TMTC3: variants seen among roughly 807,000 people sequenced by gnomAD.
The protein encoded by TMTC3 is transmembrane O-mannosyltransferase targeting cadherins 3, also known as protein O-mannosyl-transferase TMTC3.
TMTC3 carries 52 observed loss-of-function variants against 92.2 expected under a neutral mutation model. The ratio of observed to expected loss-of-function variants is 0.56; its 90% CI spans 0.45 to 0.71. The LOEUF (loss-of-function observed/expected upper bound fraction) is 0.71, where lower values mean the gene tolerates loss of function less well. Ranked by LOEUF, TMTC3 falls within the 30% of genes least tolerant of loss-of-function variation. The pLI, the probability that TMTC3 is intolerant of heterozygous loss-of-function variation, is 0.00. For missense variants in TMTC3, 896 were observed against 1,057.1 expected (o/e 0.85, Z 2.11); for synonymous variants, 339 against 363.3 (o/e 0.93, Z 0.76).
chr12:88,194,527 T>G (rs931368497), intron 13 of TMTC3, among the ~76,000 whole-genome samples: 4 of 152,174 alleles, frequency 2.6e-5, no homozygotes, highest in Non-Finnish European at 5.9e-5. Flanking sequence ...ATCCCATGCT[T>G]CTTTTTCTGA....
At position 88,197,705 on chromosome 12, in the gene TMTC3, A is replaced by C. The variant is rs2041531270; in HGVS notation, c.*2056A>C. 6.6e-6 allele frequency: 1 copy of C among 152,052 alleles called. No individual in the cohort carries two copies. Among genetic ancestry groups the C allele is most frequent in the African/African-American group, 2.4e-5 (1 of 41,438 alleles). 9.4% of individuals were successfully genotyped at this position (152,052 alleles called of 1,614,324 possible). ...ATTAGAACTGTGCCTATTACATAAA[A>C]AGTGCTCATGTATTTGAATTTTAAA... On this transcript the variant is annotated 3_prime_UTR_variant, in exon 14 of 14. Transcript: ENST00000266712.
intron 10 of TMTC3, among the ~76,000 whole-genome samples, chr12:88,180,254 G>T (rs185064936): frequency 2.0e-5 from 3 of 152,070 alleles, no homozygotes; most frequent in African/African-American, 7.2e-5. Flanking sequence ...TCCAATTAAG[G>T]AGTGACATGT....
rs1333262604 is a variant in TMTC3, at chr12:88,196,960, C to T, written c.*1311C>T. Reference sequence around the variant, plus strand: ...ACAAATTAAACTTACTAATTTATACCTGATTTTTTTTCTTGAATTAAAGTA... The same window carrying T: ...ACAAATTAAACTTACTAATTTATACTTGATTTTTTTTCTTGAATTAAAGTA... On this transcript the variant is annotated 3_prime_UTR_variant, in exon 14 of 14. Transcript: ENST00000266712. The T allele has an allele frequency of 6.6e-6, 1 of 151,548 alleles. No homozygotes were observed. Among genetic ancestry groups the T allele is most frequent in the African/African-American group, 2.4e-5 (1 of 41,288 alleles). The allele number at this position is 151,548 out of a possible 1,614,324, so 9.4% of individuals were successfully genotyped here. A position where few individuals can be genotyped will look rare whatever the true frequency, so the allele number is the denominator to read the frequency against.
chr12:88,195,203 G>T lies in TMTC3; in HGVS notation c.2299G>T (p.Asp767Tyr), dbSNP rs770267011. The stretch of plus-strand genomic sequence containing the variant: ...ATGTTTTGAAAGGATTTTGGAGATG[G>T]ATCCAAGCAATGTGCAAGGAAAACA... Reference protein sequence around the residue: ...KKCFERILEMDPSNVQGKHNL... With the variant: ...KKCFERILEMYPSNVQGKHNL... Residue 767 changes from aspartate to tyrosine, a missense_variant, in exon 14 of 14, where the codon GAT (aspartate) becomes TAT (tyrosine). Physicochemically the swap from Asp to Tyr is radical, Grantham distance 160. Transcript: ENST00000266712. The T allele has an allele frequency of 1.2e-6, 2 of 1,613,832 alleles. No homozygotes were observed. The highest frequency in any genetic ancestry group is 1.7e-6 in the Non-Finnish European group (2 of 1,179,916).
chr12:88,147,824 G>A (rs2040894279), intron 1 of TMTC3, among the ~76,000 whole-genome samples: 1 of 151,876 alleles, frequency 6.6e-6, no homozygotes, highest in African/African-American at 2.4e-5. Flanking sequence ...TTTATTTCCA[G>A]AAGCTTTTAG....
At chr12:88,194,774 G>T in intron 13 of TMTC3, 64 bp from the exon 14 acceptor site, 1 of 1,060,384 alleles carries the variant, frequency 9.4e-7, no homozygotes, top group Non-Finnish European at 1.3e-6. Context: ...TTTGAAAATG[G>T]CTTTGTTCCT....
chr12:88,171,650 T>C (rs11834149), intron 7 of TMTC3, among the ~76,000 whole-genome samples: 18,080 of 152,120 alleles, frequency 0.12, 1,979 homozygotes, highest in African/African-American at 0.29. Context: ...GTAAATTGAA[T>C]AATGCTGCAA....
rs774941516 is a variant in TMTC3, at chr12:88,172,721, G to T, written c.1175G>T (p.Gly392Val). ...SMGFCILVAH[G>V]WQKISTKSVF... ...GGGTTCTGTATTTTGGTAGCCCATG[G>T]ATGGCAGAAAATATCAACAAAAAGG... is the stretch of plus-strand genomic sequence containing the variant. The change falls in exon 8 of 14, where the codon GGA (glycine) becomes GTA (valine). Residue 392 changes from glycine to valine, a missense_variant. Gly to Val is a moderately radical substitution (Grantham distance 109). Coordinates refer to ENST00000266712, the MANE Select transcript of TMTC3 (RefSeq NM_181783.4). 1 of 1,600,168 alleles carries T rather than the reference G, an allele frequency of 6.2e-7. No homozygotes were observed. Among genetic ancestry groups the T allele is most frequent in the Admixed American group, 1.8e-5 (1 of 57,090 alleles).
chr12:88,172,836 C>A, intron 8 of TMTC3, 91 bp downstream of exon 8: 2 of 1,497,658 alleles, frequency 1.3e-6, no homozygotes, highest in South Asian at 1.3e-5. Flanking sequence ...TTTTCTAAGT[C>A]ATGCTTTTGT....
Position 88,172,779 on chromosome 12 carries a change from T to A in TMTC3, c.1199+34T>A, listed in dbSNP as rs1379121662. On this transcript the variant is annotated intron_variant, in intron 8 of 13. Coordinates refer to ENST00000266712, the MANE Select transcript of TMTC3 (RefSeq NM_181783.4). ...AAATGTCAGTTCATGTAATGCTTAC[T>A]ATGGAATTAAGTGTGACACATTTTA... The A allele has an allele frequency of 3.8e-6, 6 of 1,576,322 alleles. No individual in the cohort carries two copies. The South Asian group carries it at 7.1e-5, about 19-fold the overall frequency.
intron 7 of TMTC3, among the ~76,000 whole-genome samples, chr12:88,169,764 T>C (rs778735529): frequency 2.6e-5 from 4 of 151,908 alleles, no homozygotes; most frequent in African/African-American, 4.8e-5. Context: ...GACAGTGAGA[T>C]CCCACCTCTA....
chr12:88,143,335 G>T (rs1278092493), intron 1 of TMTC3, among the ~76,000 whole-genome samples: 1 of 152,140 alleles, frequency 6.6e-6, no homozygotes, highest in African/African-American at 2.4e-5. Context: ...ACATTAGTTA[G>T]ATTTATAGGA....
rs1374402355 is a variant in TMTC3, at chr12:88,160,709, G to A, written c.655G>A (p.Gly219Arg). The change falls in exon 6 of 14, where the codon GGA becomes AGA. Residue 219 changes from glycine to arginine, a missense_variant. Transcript: ENST00000266712. ...YTLPLLCTTA[G>R]QFLRGKGSIP... is the part of the protein sequence containing the mutation. Reference sequence around the variant, plus strand: ...TTTGCCATTACTATGTACTACTGCTGGACAGTTTCTCCGTGGAAAGGGTAG... The same window carrying A: ...TTTGCCATTACTATGTACTACTGCTAGACAGTTTCTCCGTGGAAAGGGTAG... 1.8e-5 allele frequency: 29 copies of A among 1,613,318 alleles called. No individual in the cohort carries two copies. Among genetic ancestry groups the A allele is most frequent in the Non-Finnish European group, 2.5e-5 (29 of 1,179,664 alleles).
intron 10 of TMTC3, among the ~76,000 whole-genome samples, chr12:88,187,437 G>A (rs1354496765): frequency 6.6e-6 from 1 of 152,092 alleles, no homozygotes; most frequent in Non-Finnish European, 1.5e-5. Context: ...GGACCTAGGT[G>A]GGGCTGAAGT....
intron 7 of TMTC3, among the ~76,000 whole-genome samples, chr12:88,170,126 C>G (rs2041188931): frequency 6.6e-6 from 1 of 152,088 alleles, no homozygotes; most frequent in African/African-American, 2.4e-5. Flanking sequence ...TGATAGTTAA[C>G]TAGGTTGGCA....
At chr12:88,151,763 G>A (rs560498287) in intron 2 of TMTC3, among the ~76,000 whole-genome samples, 2 of 152,202 alleles carry the variant, frequency 1.3e-5, no homozygotes, top group Admixed American at 1.3e-4. Context: ...TCAGGTACTC[G>A]AAGGGTTTCT....
Position 88,176,317 on chromosome 12 carries a change from C to T in TMTC3, c.1430C>T (p.Pro477Leu). ...KYFLQATHVQPDDIGAHMNVG... is the reference protein window; with the variant it reads ...KYFLQATHVQLDDIGAHMNVG... ...TTCTTACAGGCTACCCATGTTCAGCCAGGTAAGCATTATTAACTAATAAAA... is the reference window on the plus strand; with the variant it reads ...TTCTTACAGGCTACCCATGTTCAGCTAGGTAAGCATTATTAACTAATAAAA... Residue 477 changes from proline (P) to leucine (L), a missense_variant and splice_region_variant, in exon 10 of 14, where the codon CCA becomes CTA. Transcript: ENST00000266712. 1 of 1,597,620 alleles carries T rather than the reference C, an allele frequency of 6.3e-7. No individual in the cohort carries two copies. Among genetic ancestry groups the T allele is most frequent in the Admixed American group, 1.7e-5 (1 of 57,290 alleles).
At chr12:88,157,354 T>C (rs1430625717) in intron 4 of TMTC3, among the ~76,000 whole-genome samples, 1 of 151,730 alleles carries the variant, frequency 6.6e-6, no homozygotes, top group Non-Finnish European at 1.5e-5. Flanking sequence ...GCAAAGGTTT[T>C]CAAGTTGTAA....
intron 1 of TMTC3, among the ~76,000 whole-genome samples, chr12:88,142,842 A>C (rs578131610): frequency 1.4e-4 from 21 of 152,066 alleles, no homozygotes; most frequent in Non-Finnish European, 2.9e-4. Flanking sequence ...GTGGGGCTTG[A>C]TGGTTGTGGA....
Sources: gnomAD v4.1 joint callset for allele counts (sites outside exome capture counted in the v4.1 genomes callset) on GRCh38, gnomAD v4.1.1 for gene constraint, MANE v1.5 for transcripts, NCBI Gene and HGNC (gene_info 2026-07-23, HGNC 2026-07-21) for gene names.